The following ZFPM2 variants were observed in gnomAD, a reference collection of about 807,000 sequenced individuals.
ZFPM2 encodes the protein zinc finger protein ZFPM2.
In ZFPM2, 20 loss-of-function variants were observed where a neutral mutation model predicts 98.6. The ratio of observed to expected loss-of-function variants is 0.20; its 90% confidence interval spans 0.14 to 0.29. ZFPM2 has a LOEUF of 0.29. Among genes scored for constraint, ZFPM2 ranks in the 10% least tolerant of loss-of-function variants. The probability of loss-of-function intolerance (pLI) is 1.00; values close to 1 mark genes in which losing one functional copy is unlikely to be tolerated. For missense variants in ZFPM2, 1,310 were observed against 1,388.6 expected, an observed-to-expected ratio of 0.94 and a Z score of 0.90; for synonymous variants, 518 against 502.7, an observed-to-expected ratio of 1.03 and a Z score of -0.41.
intron 4 of ZFPM2, among the ~76,000 whole-genome samples, chr8:105,609,301 CA>C (rs1816258844): frequency 6.6e-6 from 1 of 151,878 alleles, no homozygotes; most frequent in Non-Finnish European, 1.5e-5. Context: ...TGGTCTTAAA[CA>C]GAAGAGGAAG....
At chr8:105,575,361 G>C (rs2130729847) in intron 4 of ZFPM2, among the ~76,000 whole-genome samples, 1 of 152,244 alleles carries the variant, frequency 6.6e-6, no homozygotes, top group African/African-American at 2.4e-5. Context: ...TGTAGCCCCT[G>C]TCAGAAGGCT....
chr8:105,621,969 A>G (rs1235606344), intron 4 of ZFPM2, among the ~76,000 whole-genome samples: 1 of 152,152 alleles, frequency 6.6e-6, no homozygotes, highest in Non-Finnish European at 1.5e-5. Flanking sequence ...GCATCCCTGT[A>G]AAATGATTAT....
intron 1 of ZFPM2, among the ~76,000 whole-genome samples, chr8:105,335,723 G>A (rs1367453966): frequency 6.6e-6 from 1 of 151,752 alleles, no homozygotes; most frequent in Non-Finnish European, 1.5e-5. Context: ...AGGCCTAGTA[G>A]AATAAATTAC....
chr8:105,490,655 A>T (rs1026960333), intron 3 of ZFPM2, among the ~76,000 whole-genome samples: 1 of 152,224 alleles, frequency 6.6e-6, no homozygotes, highest in Non-Finnish European at 1.5e-5. Flanking sequence ...TTTTATTTTC[A>T]TATTTCTAAA....
chr8:105,721,042 A>G (rs145506635), intron 5 of ZFPM2, among the ~76,000 whole-genome samples: 16 of 152,032 alleles, frequency 1.1e-4, no homozygotes, highest in African/African-American at 3.1e-4. Flanking sequence ...TTAGCGACCC[A>G]TGCAGGCAAA....
chr8:105,637,492 C>G (rs1816870562), intron 5 of ZFPM2, among the ~76,000 whole-genome samples: 1 of 152,062 alleles, frequency 6.6e-6, no homozygotes, highest in South Asian at 2.1e-4. Flanking sequence ...GCAAAAAACC[C>G]TGATCATTTG....
At chr8:105,545,970 G>A (rs1479945577) in intron 3 of ZFPM2, among the ~76,000 whole-genome samples, 1 of 152,076 alleles carries the variant, frequency 6.6e-6, no homozygotes, top group African/African-American at 2.4e-5. Context: ...CACCTTTGAT[G>A]TTGCCCTTTA....
intron 6 of ZFPM2, 33 bp downstream of exon 6, chr8:105,788,957 G>C (rs1813507169): frequency 6.6e-7 from 1 of 1,525,120 alleles, no homozygotes; most frequent in Non-Finnish European, 8.9e-7. Flanking sequence ...CCCAGCTTTA[G>C]AGGTGATGGG....
chr8:105,398,161 T>G (rs181586780), intron 1 of ZFPM2, among the ~76,000 whole-genome samples: 26 of 152,336 alleles, frequency 1.7e-4, no homozygotes, highest in African/African-American at 5.8e-4. Flanking sequence ...TTCAGAATAG[T>G]TAAGCTCAGT....
At chr8:105,604,814 C>G (rs1232305653) in intron 4 of ZFPM2, among the ~76,000 whole-genome samples, 1 of 151,978 alleles carries the variant, frequency 6.6e-6, no homozygotes, top group African/African-American at 2.4e-5. Flanking sequence ...CTCTTTATAT[C>G]TTTATTTTAC....
At chr8:105,499,711 A>G (rs1303307324) in intron 3 of ZFPM2, among the ~76,000 whole-genome samples, 2 of 152,196 alleles carry the variant, frequency 1.3e-5, no homozygotes, top group Non-Finnish European at 2.9e-5. Context: ...CACCCTGTAT[A>G]AATTTAACGA....
At chr8:105,759,539 A>G (rs1812689364) in intron 5 of ZFPM2, among the ~76,000 whole-genome samples, 1 of 151,502 alleles carries the variant, frequency 6.6e-6, no homozygotes, top group Admixed American at 6.6e-5. Flanking sequence ...AAGTGATGTC[A>G]TGTGATTCCG....
chr8:105,691,239 T>TCAAGCGCCCTGTTCCCAAAGAGAC (rs1331157708), intron 5 of ZFPM2, among the ~76,000 whole-genome samples: 10 of 95,332 alleles, frequency 1.0e-4, no homozygotes, highest in African/African-American at 5.2e-4. Context: ...GACTTTTTTT[T>TCAAGCGCCCTGTTCCCAAAGAGAC]TTTTTTTTTT....
intron 5 of ZFPM2, among the ~76,000 whole-genome samples, chr8:105,755,308 A>G (rs1443969463): frequency 6.6e-6 from 1 of 152,130 alleles, no homozygotes; most frequent in African/African-American, 2.4e-5. Flanking sequence ...AGCCTTTCAG[A>G]AATGCCATTT....
At chr8:105,762,659 G>T (rs1322999642) in intron 5 of ZFPM2, among the ~76,000 whole-genome samples, 1 of 151,780 alleles carries the variant, frequency 6.6e-6, no homozygotes, top group African/African-American at 2.4e-5. Flanking sequence ...CACATTTATA[G>T]TTTTTATTTT....
intron 1 of ZFPM2, among the ~76,000 whole-genome samples, chr8:105,325,001 G>A (rs904556438): frequency 1.1e-4 from 17 of 151,854 alleles, no homozygotes; most frequent in Non-Finnish European, 2.2e-4. Flanking sequence ...TAACTTTGGA[G>A]TTCTTATCCT....
intron 2 of ZFPM2, among the ~76,000 whole-genome samples, chr8:105,439,325 T>C (rs530300832): frequency 6.6e-6 from 1 of 152,302 alleles, no homozygotes. Flanking sequence ...ATTCAGGTGT[T>C]CATGGTTCTC....
chr8:105,571,889 G>A (rs1371993820), intron 4 of ZFPM2, among the ~76,000 whole-genome samples: 2 of 152,014 alleles, frequency 1.3e-5, no homozygotes, highest in East Asian at 3.9e-4. Flanking sequence ...TTTAACTGTA[G>A]CTCTCAGGTG....
chr8:105,582,323 C>T (rs1282539047), intron 4 of ZFPM2, among the ~76,000 whole-genome samples: 1 of 152,124 alleles, frequency 6.6e-6, no homozygotes, highest in Non-Finnish European at 1.5e-5. Flanking sequence ...AATTCAGTGG[C>T]TCTTAACTAG....
Sources: gnomAD v4.1 joint callset for allele counts (sites outside exome capture counted in the v4.1 genomes callset) on GRCh38, gnomAD v4.1.1 for gene constraint, MANE v1.5 for transcripts, NCBI Gene and HGNC (gene_info 2026-07-23, HGNC 2026-07-21) for gene names.